Variants in CNTN4 observed in about 807,000 individuals in gnomAD.
CNTN4 encodes the protein contactin 4, also known as contactin-4.
CNTN4 carries 77 observed loss-of-function variants against 122.5 expected under a neutral mutation model. The ratio of observed to expected loss-of-function variants is 0.63; its 90% CI spans 0.52 to 0.76. The LOEUF (loss-of-function observed/expected upper bound fraction) is 0.76. CNTN4 is among the 30% of genes least tolerant of loss of function. CNTN4 has a pLI of 0.00. For missense variants in CNTN4, 1,256 were observed against 1,259.1 expected, an observed-to-expected ratio of 1.00 and a Z score of 0.04; for synonymous variants, 512 against 447.0, an observed-to-expected ratio of 1.15 and a Z score of -1.83.
chr3:2,626,507 C>A (rs202099495), intron 4 of CNTN4, among the ~76,000 whole-genome samples: 18,303 of 140,874 alleles, frequency 0.13, 1,373 homozygotes, highest in Admixed American at 0.23. Flanking sequence ...AAAAAAAAAA[C>A]AACAAAAAAC....
At chr3:2,769,098 C>G (rs1398879765) in intron 6 of CNTN4, among the ~76,000 whole-genome samples, 7 of 152,208 alleles carry the variant, frequency 4.6e-5, no homozygotes, top group Non-Finnish European at 1.0e-4. Flanking sequence ...GGGAGCACAC[C>G]TTCAAATGCT....
intron 6 of CNTN4, among the ~76,000 whole-genome samples, chr3:2,754,029 A>G (rs2090218234): frequency 6.6e-6 from 1 of 152,224 alleles, no homozygotes. Context: ...TTGATATTTT[A>G]TGGTGAATAA....
chr3:2,205,713 A>T (rs568864360), intron 2 of CNTN4, among the ~76,000 whole-genome samples: 1 of 152,230 alleles, frequency 6.6e-6, no homozygotes, highest in African/African-American at 2.4e-5. Context: ...TTTGAGTCCA[A>T]TAAGCATACT....
At chr3:2,956,910 G>T (rs1284245332) in intron 13 of CNTN4, among the ~76,000 whole-genome samples, 1 of 152,054 alleles carries the variant, frequency 6.6e-6, no homozygotes, top group East Asian at 1.9e-4. Context: ...TCTGTGCCTG[G>T]TTTATTTCAC....
rs79704869 is a variant in CNTN4, at chr3:2,809,349, C to A, written c.359-10137C>A. ...GAAAGAGCACTCCAAACAAGGGGAA[C>A]AGCAAGGACATGGGTCCTGAGACTG... On this transcript the variant is annotated intron_variant, in intron 6 of 24. Transcript: ENST00000418658. Among the ~76,000 whole-genome samples, 663 of 152,152 alleles carry A rather than the reference C, an allele frequency of 4.4e-3. 7 individuals carry two copies. Among genetic ancestry groups the A allele is most frequent in the African/African-American group, 0.015 (626 of 41,490 alleles).
chr3:2,169,579 T>TTG (rs1559306674), intron 2 of CNTN4, among the ~76,000 whole-genome samples: 2 of 150,528 alleles, frequency 1.3e-5, no homozygotes, highest in African/African-American at 2.5e-5. Flanking sequence ...CTGATTTTTT[T>TTG]GTAGAGACGG....
chr3:2,291,685 T>C (rs1342654977), intron 2 of CNTN4, among the ~76,000 whole-genome samples: 1 of 152,008 alleles, frequency 6.6e-6, no homozygotes, highest in Non-Finnish European at 1.5e-5. Flanking sequence ...TTAAGTGGCT[T>C]ATTTGTGTTG....
At chr3:2,137,544 C>G (rs145478095) in intron 2 of CNTN4, among the ~76,000 whole-genome samples, 38 of 152,236 alleles carry the variant, frequency 2.5e-4, no homozygotes, top group African/African-American at 8.9e-4. Flanking sequence ...GTATTGCCTG[C>G]AGGCGATTCA....
chr3:2,396,118 G>A (rs1032497949), intron 3 of CNTN4, among the ~76,000 whole-genome samples: 1 of 151,426 alleles, frequency 6.6e-6, no homozygotes, highest in African/African-American at 2.4e-5. Flanking sequence ...TTGACTTCCC[G>A]AGCTCAGGTG....
At chr3:2,914,341 T>A (rs750861115) in intron 12 of CNTN4, among the ~76,000 whole-genome samples, 4 of 151,832 alleles carry the variant, frequency 2.6e-5, no homozygotes, top group Non-Finnish European at 5.9e-5. Context: ...AGAAAAATAC[T>A]AGGAAAAAAA....
intron 2 of CNTN4, among the ~76,000 whole-genome samples, chr3:2,120,405 A>ATATATATATATATATATATATATATT (rs1428527983): frequency 4.9e-5 from 2 of 40,852 alleles, no homozygotes; most frequent in Non-Finnish European, 8.5e-5. Context: ...ATATATATAT[A>ATATATATATATATATATATATATATT]TTTTTTTTTT....
intron 3 of CNTN4, among the ~76,000 whole-genome samples, chr3:2,556,065 T>G (rs2078708312): frequency 6.6e-6 from 1 of 152,206 alleles, no homozygotes; most frequent in African/African-American, 2.4e-5. Context: ...AGTGTAAACA[T>G]TAAACTGTCT....
intron 4 of CNTN4, among the ~76,000 whole-genome samples, chr3:2,588,205 G>T (rs540720296): frequency 6.6e-6 from 1 of 152,186 alleles, no homozygotes; most frequent in African/African-American, 2.4e-5. Flanking sequence ...CTGCTCCTGA[G>T]CCTTGATAGT....
At chr3:2,535,501 T>G (rs981204925) in intron 3 of CNTN4, among the ~76,000 whole-genome samples, 1 of 152,182 alleles carries the variant, frequency 6.6e-6, no homozygotes, top group African/African-American at 2.4e-5. Flanking sequence ...CTGTTGAGAT[T>G]TTCATTGACG....
chr3:2,304,200 T>C (rs1156389225), intron 2 of CNTN4, among the ~76,000 whole-genome samples: 1 of 152,184 alleles, frequency 6.6e-6, no homozygotes, highest in Non-Finnish European at 1.5e-5. Flanking sequence ...ACAATATATT[T>C]TCTTTTCAAG....
chr3:2,589,845 T>C (rs906289121), intron 4 of CNTN4, among the ~76,000 whole-genome samples: 7 of 152,152 alleles, frequency 4.6e-5, no homozygotes, highest in African/African-American at 1.7e-4. Flanking sequence ...AGTGTCCTCG[T>C]GACATGGCCT....
chr3:2,400,451 C>CATATATATA (rs1559520108), intron 3 of CNTN4, among the ~76,000 whole-genome samples: 1 of 107,994 alleles, frequency 9.3e-6, no homozygotes. Flanking sequence ...ATATATATAT[C>CATATATATA]TCTTTTTTTC....
intron 6 of CNTN4, among the ~76,000 whole-genome samples, chr3:2,756,844 A>G (rs1479661446): frequency 6.6e-6 from 1 of 152,204 alleles, no homozygotes; most frequent in African/African-American, 2.4e-5. Flanking sequence ...GGTGCCCAGC[A>G]CTGCTGACAA....
intron 3 of CNTN4, among the ~76,000 whole-genome samples, chr3:2,474,442 C>G (rs1024693381): frequency 1.3e-5 from 2 of 152,106 alleles, no homozygotes; most frequent in Non-Finnish European, 2.9e-5. Flanking sequence ...GAACTTAAGC[C>G]TTTTAAAACA....
Sources: gnomAD v4.1 joint callset for allele counts (sites outside exome capture counted in the v4.1 genomes callset) on GRCh38, gnomAD v4.1.1 for gene constraint, MANE v1.5 for transcripts, NCBI Gene and HGNC (gene_info 2026-07-23, HGNC 2026-07-21) for gene names.